The following CERS4 variants were observed in gnomAD, a reference collection of about 807,000 sequenced individuals.
The protein encoded by CERS4 is ceramide synthase 4, also known as LAG1 homolog, ceramide synthase 4.
CERS4 carries 65 observed loss-of-function variants against 51.8 expected under a neutral mutation model. The observed-to-expected ratio is 1.26, with a 90% CI of 1.03 to 1.54. The LOEUF is 1.54. Ranked by LOEUF, CERS4 falls within the 40% of genes most tolerant of loss-of-function variation. The pLI is 0.00. For missense variants in CERS4, 563 were observed against 500.4 expected (o/e 1.13, Z -1.19); for synonymous variants, 228 against 208.4 (o/e 1.09, Z -0.81).
At chr19:8,251,779 C>A (rs539967964) in intron 3 of CERS4, among the ~76,000 whole-genome samples, 6 of 147,776 alleles carry the variant, frequency 4.1e-5, no homozygotes, top group Non-Finnish European at 8.9e-5. Context: ...ACTCCAGCCT[C>A]GGCAACAGAG....
At chr19:8,252,097 G>A (rs1433855810) in intron 3 of CERS4, among the ~76,000 whole-genome samples, 2 of 151,542 alleles carry the variant, frequency 1.3e-5, no homozygotes, top group Non-Finnish European at 2.9e-5. Context: ...TAGGCTGGGT[G>A]CAGTGGCTCA....
At chr19:8,256,557 A>T in intron 7 of CERS4, 61 bp from the exon 8 acceptor site, 1 of 1,492,548 alleles carries the variant, frequency 6.7e-7, no homozygotes, top group Non-Finnish European at 9.2e-7. Context: ...GCCCGGAGCC[A>T]TACCCCTGCC....
intron 2 of CERS4, among the ~76,000 whole-genome samples, chr19:8,244,148 G>A (rs1322976850): frequency 6.6e-6 from 1 of 152,190 alleles, no homozygotes; most frequent in African/African-American, 2.4e-5. Context: ...TCTGAAGATG[G>A]AGGAAGGGAC....
intron 2 of CERS4, among the ~76,000 whole-genome samples, chr19:8,213,929 G>A (rs930850336): frequency 6.6e-6 from 1 of 152,114 alleles, no homozygotes; most frequent in Non-Finnish European, 1.5e-5. Context: ...TCGCACTACT[G>A]CACTACTGCA....
intron 2 of CERS4, among the ~76,000 whole-genome samples, chr19:8,218,435 G>A (rs1392531116): frequency 6.6e-6 from 1 of 152,198 alleles, no homozygotes; most frequent in Non-Finnish European, 1.5e-5. Flanking sequence ...AATGGCATCG[G>A]AGCAACATTC....
At chr19:8,236,609 G>A (rs998327059) in intron 2 of CERS4, among the ~76,000 whole-genome samples, 2 of 148,800 alleles carry the variant, frequency 1.3e-5, no homozygotes, top group Admixed American at 1.4e-4. Context: ...GGCCCAAGAC[G>A]CAGAGGTAGC....
chr19:8,238,448 G>A (rs1432630176), intron 2 of CERS4: 1 of 946,926 alleles, frequency 1.1e-6, no homozygotes, highest in African/African-American at 1.8e-5. Context: ...CACTGATGCA[G>A]AGGCCTGGAG....
chr19:8,254,650 C>T (rs1387986179), intron 4 of CERS4, 34 bp downstream of exon 4: 4 of 1,560,690 alleles, frequency 2.6e-6, no homozygotes. Flanking sequence ...ACCCGCACTA[C>T]TGCCCTGGGG....
chr19:8,246,519 T>C (rs73495425), intron 2 of CERS4, among the ~76,000 whole-genome samples: 6,795 of 151,088 alleles, frequency 0.045, 427 homozygotes, highest in African/African-American at 0.14. Flanking sequence ...GATCGCTGCA[T>C]TCCAGCCTGG....
At chr19:8,224,104 TA>T (rs746066578) in intron 2 of CERS4, among the ~76,000 whole-genome samples, 84 of 65,484 alleles carry the variant, frequency 1.3e-3, no homozygotes, top group Admixed American at 3.4e-3. Context: ...ACTCCGTCTT[TA>T]AAAAAAAAAA....
In CERS4 at chr19:8,254,477, GCT is replaced by G. The variant is rs752506445; in HGVS notation, c.174-19_174-18del. 16 of 1,608,554 alleles carry G rather than the reference GCT, an allele frequency of 9.9e-6. No homozygotes were observed. The highest frequency in any genetic ancestry group is 2.2e-5 in the South Asian group (2 of 90,972). ...CCCATCTCTTCACCTGGGCTGATAGGCTCTGTCTCCTTTGCACCCAGATTCAT... is the reference window on the plus strand; with the variant it reads ...CCCATCTCTTCACCTGGGCTGATAGGCTGTCTCCTTTGCACCCAGATTCAT... On this transcript the variant is annotated intron_variant, in intron 3 of 11. Coordinates refer to ENST00000251363, the MANE Select transcript of CERS4 (RefSeq NM_024552.3).
chr19:8,216,347 C>T (rs554330891), intron 2 of CERS4, among the ~76,000 whole-genome samples: 4 of 151,410 alleles, frequency 2.6e-5, no homozygotes, highest in African/African-American at 9.7e-5. Flanking sequence ...GCACTGCATT[C>T]CAGCCTGGGC....
In CERS4 at chr19:8,257,070, T is replaced by A. The variant is rs1469537452; in HGVS notation, c.734T>A (p.Leu245Gln). 1.9e-6 allele frequency: 3 copies of A among 1,599,526 alleles called. No individual in the cohort carries two copies. In the African/African-American group the frequency reaches 4.0e-5, roughly 21 times the overall value. The change falls in exon 9 of 12, where the codon CTG becomes CAG. Residue 245 changes from leucine to glutamine, a missense_variant. Leu to Gln is a moderately radical substitution (Grantham distance 113). Coordinates refer to ENST00000251363, the MANE Select transcript of CERS4 (RefSeq NM_024552.3). ...CTGTTACACGATTCCTCTGACTACC[T>A]GCTGGAGGTGGGCCCGACCCCTGCC... ...VLLLHDSSDY[L>Q]LEACKMVNYM...
intron 2 of CERS4, among the ~76,000 whole-genome samples, chr19:8,215,309 T>C (rs771419579): frequency 1.6e-4 from 25 of 151,838 alleles, no homozygotes; most frequent in Admixed American, 6.6e-4. Context: ...CGAAACCCTG[T>C]CTCTACTAAA....
chr19:8,260,967 A>AGC (rs879901069), intron 10 of CERS4: 1 of 144,770 alleles, frequency 6.9e-6, no homozygotes, highest in Non-Finnish European at 1.5e-5. Flanking sequence ...AAAAAAAAAA[A>AGC]AAAAAAAAAA....
intron 2 of CERS4, among the ~76,000 whole-genome samples, chr19:8,220,957 G>T (rs1338258544): frequency 6.6e-6 from 1 of 151,958 alleles, no homozygotes. Context: ...GAGTAGCTGG[G>T]ACTATAGGCG....
intron 2 of CERS4, among the ~76,000 whole-genome samples, chr19:8,231,742 C>T (rs911240886): frequency 5.3e-5 from 8 of 151,544 alleles, no homozygotes; most frequent in Admixed American, 2.6e-4. Flanking sequence ...TTAGTAAAGA[C>T]AGGGTTTCAT....
chr19:8,257,402 A>G (rs779687721), intron 9 of CERS4, among the ~76,000 whole-genome samples: 3 of 151,984 alleles, frequency 2.0e-5, no homozygotes, highest in Non-Finnish European at 4.4e-5. Flanking sequence ...TCCTTGGAGG[A>G]TAAAGCTACA....
chr19:8,213,212 G>A (rs542316953), intron 2 of CERS4, among the ~76,000 whole-genome samples: 36 of 151,868 alleles, frequency 2.4e-4, no homozygotes, highest in Non-Finnish European at 3.7e-4. Flanking sequence ...TAGTGATTTT[G>A]TAGAGTTTTG....
Sources: allele counts gnomAD v4.1 joint callset (sites outside exome capture counted in the v4.1 genomes callset), GRCh38; gene constraint gnomAD v4.1.1; transcripts MANE v1.5; gene names NCBI Gene and HGNC (gene_info 2026-07-23, HGNC 2026-07-21).